Variants in CACNB2 observed in about 807,000 individuals in gnomAD.
CACNB2 encodes calcium voltage-gated channel auxiliary subunit beta 2, also known as voltage-dependent L-type calcium channel subunit beta-2.
A neutral mutation model predicts 73.3 loss-of-function variants in CACNB2; 42 were observed. That is an observed-to-expected ratio of 0.57 (90% confidence interval 0.45 to 0.74). The LOEUF (loss-of-function observed/expected upper bound fraction) is 0.74, where lower values mean the gene tolerates loss of function less well. Ranked by LOEUF, CACNB2 falls within the 30% of genes least tolerant of loss-of-function variation. The pLI is 0.00. For missense variants in CACNB2, 940 were observed against 853.0 expected (o/e 1.10, Z -1.27); for synonymous variants, 348 against 310.3 (o/e 1.12, Z -1.28).
intron 2 of CACNB2, among the ~76,000 whole-genome samples, chr10:18,218,196 T>G (rs1241878556): frequency 6.6e-6 from 1 of 152,208 alleles, no homozygotes; most frequent in African/African-American, 2.4e-5. Context: ...CTAACAAATG[T>G]ACATTGTTTG....
chr10:18,249,535 A>G (rs957942444), intron 2 of CACNB2, among the ~76,000 whole-genome samples: 1 of 152,000 alleles, frequency 6.6e-6, no homozygotes, highest in East Asian at 1.9e-4. Context: ...CTCATTTCAG[A>G]CTCTTGACTC....
At chr10:18,447,485 G>A (rs1054835068) in intron 3 of CACNB2, among the ~76,000 whole-genome samples, 14 of 152,300 alleles carry the variant, frequency 9.2e-5, no homozygotes, top group Admixed American at 7.8e-4. Context: ...AACTGGCAAA[G>A]GCTAAGAAAC....
At chr10:18,467,601 G>A (rs1227380964) in intron 3 of CACNB2, among the ~76,000 whole-genome samples, 1 of 152,200 alleles carries the variant, frequency 6.6e-6, no homozygotes, top group Non-Finnish European at 1.5e-5. Context: ...TCTAGGGAAG[G>A]AGAATCTGGT....
At chr10:18,501,739 AG>A (rs771120360) in intron 5 of CACNB2, among the ~76,000 whole-genome samples, 4 of 152,204 alleles carry the variant, frequency 2.6e-5, no homozygotes, top group Non-Finnish European at 4.4e-5. Flanking sequence ...TGTTTATCTA[AG>A]ATGCAAATCC....
intron 2 of CACNB2, among the ~76,000 whole-genome samples, chr10:18,159,261 G>A (rs1014718962): frequency 1.3e-5 from 2 of 152,120 alleles, no homozygotes; most frequent in Non-Finnish European, 1.5e-5. Flanking sequence ...CTCCTGCCGC[G>A]TATAGCCCGG....
chr10:18,407,178 A>G (rs2044345287), intron 3 of CACNB2, among the ~76,000 whole-genome samples: 1 of 118,054 alleles, frequency 8.5e-6, no homozygotes, highest in South Asian at 3.0e-4. Flanking sequence ...GCTGGAGTGC[A>G]GTGGTGCCAC....
chr10:18,467,015 A>G (rs915377019), intron 3 of CACNB2, among the ~76,000 whole-genome samples: 3 of 152,006 alleles, frequency 2.0e-5, no homozygotes, highest in Admixed American at 6.6e-5. Context: ...TTAGCCGGGC[A>G]TGGTGGCAGG....
At chr10:18,318,463 C>G (rs1210657608) in intron 2 of CACNB2, among the ~76,000 whole-genome samples, 1 of 152,114 alleles carries the variant, frequency 6.6e-6, no homozygotes, top group Non-Finnish European at 1.5e-5. Flanking sequence ...ACACCTTATA[C>G]AAAAATTAAC....
chr10:18,351,982 G>C (rs1564459849), intron 2 of CACNB2, among the ~76,000 whole-genome samples: 1 of 152,138 alleles, frequency 6.6e-6, no homozygotes, highest in Non-Finnish European at 1.5e-5. Context: ...CTCTCTCAAG[G>C]CGTGTTCAGA....
At chr10:18,162,793 G>A (rs1002747272) in intron 2 of CACNB2, among the ~76,000 whole-genome samples, 2 of 152,176 alleles carry the variant, frequency 1.3e-5, no homozygotes, top group African/African-American at 4.8e-5. Flanking sequence ...TCATAGAGGT[G>A]CAAAAGAAAG....
In CACNB2 at chr10:18,307,983, C is replaced by CTTTTTT. The variant is rs869311555; in HGVS notation, c.214-93919_214-93914dup. On this transcript the variant is annotated intron_variant, in intron 2 of 13. Coordinates refer to ENST00000324631, the MANE Select transcript of CACNB2 (RefSeq NM_201596.3). ...TTAAGTCTAAAATAATATATGCCAA[C>CTTTTTT]TTTTTTTTTTTTTTTTTTTTTTTTT... Among the ~76,000 whole-genome samples the CTTTTTT allele has an allele frequency of 2.9e-3, 205 of 70,194 alleles. 25 individuals carry two copies. Among genetic ancestry groups the CTTTTTT allele is most frequent in the African/African-American group, 8.4e-3 (140 of 16,736 alleles). 46.0% of individuals were successfully genotyped at this position (70,194 alleles called of 152,430 possible). A position where few individuals can be genotyped will look rare whatever the true frequency, so the allele number is the denominator to read the frequency against.
At chr10:18,211,695 G>A (rs1253364401) in intron 2 of CACNB2, among the ~76,000 whole-genome samples, 1 of 152,184 alleles carries the variant, frequency 6.6e-6, no homozygotes, top group African/African-American at 2.4e-5. Flanking sequence ...GAATACTGTA[G>A]TGTGCTGCTC....
chr10:18,211,290 T>G (rs2035306424), intron 2 of CACNB2, among the ~76,000 whole-genome samples: 1 of 152,198 alleles, frequency 6.6e-6, no homozygotes, highest in African/African-American at 2.4e-5. Context: ...GCTTGGACAT[T>G]GCCATTGTCT....
chr10:18,197,233 C>G (rs1334548405), intron 2 of CACNB2, among the ~76,000 whole-genome samples: 1 of 152,178 alleles, frequency 6.6e-6, no homozygotes, highest in African/African-American at 2.4e-5. Flanking sequence ...AGGGAACACT[C>G]AGTAAATGCT....
intron 4 of CACNB2, 27 bp downstream of exon 4, chr10:18,498,504 C>T: frequency 6.2e-7 from 1 of 1,611,748 alleles, no homozygotes; most frequent in Non-Finnish European, 8.5e-7. Flanking sequence ...CATTTTCTAA[C>T]AGCATGATGT....
chr10:18,437,451 T>C (rs2046194835), intron 3 of CACNB2, among the ~76,000 whole-genome samples: 1 of 152,114 alleles, frequency 6.6e-6, no homozygotes, highest in African/African-American at 2.4e-5. Context: ...TCATAAAAGG[T>C]TGGTTAACAC....
At chr10:18,490,217 C>T (rs901249424) in intron 3 of CACNB2, among the ~76,000 whole-genome samples, 1 of 152,172 alleles carries the variant, frequency 6.6e-6, no homozygotes. Context: ...AGATGCCACT[C>T]TTCTACAAAT....
At chr10:18,357,446 G>T (rs1279524576) in intron 2 of CACNB2, among the ~76,000 whole-genome samples, 2 of 152,166 alleles carry the variant, frequency 1.3e-5, no homozygotes, top group Admixed American at 1.3e-4. Flanking sequence ...ACTAGAAAAT[G>T]TGAGGAAGCA....
At chr10:18,372,687 A>G (rs907152575) in intron 2 of CACNB2, among the ~76,000 whole-genome samples, 2 of 152,054 alleles carry the variant, frequency 1.3e-5, no homozygotes, top group Non-Finnish European at 2.9e-5. Flanking sequence ...GATTACAGAT[A>G]TGAGCCACTG....
Sources: allele counts gnomAD v4.1 joint callset (sites outside exome capture counted in the v4.1 genomes callset), GRCh38; gene constraint gnomAD v4.1.1; transcripts MANE v1.5; gene names NCBI Gene and HGNC (gene_info 2026-07-23, HGNC 2026-07-21).